ARHGAP18: variants seen among roughly 807,000 people sequenced by gnomAD.
ARHGAP18 encodes Rho GTPase activating protein 18.
A neutral mutation model predicts 86.2 loss-of-function variants in ARHGAP18; 67 were observed. The observed-to-expected ratio is 0.78, with a 90% CI of 0.64 to 0.95. The LOEUF (loss-of-function observed/expected upper bound fraction) is 0.95, where lower values mean the gene tolerates loss of function less well. Ranked by LOEUF, ARHGAP18 falls within the 40% of genes least tolerant of loss-of-function variation. The probability of loss-of-function intolerance (pLI) is 0.00; values close to 1 mark genes in which losing one functional copy is unlikely to be tolerated. For missense variants in ARHGAP18, 691 were observed against 780.4 expected (o/e 0.89, Z 1.37); for synonymous variants, 283 against 280.4 (o/e 1.01, Z -0.09).
In ARHGAP18 at chr6:129,634,080, G is replaced by C; in HGVS notation, c.578C>G (p.Ser193Ter). The change falls in exon 4 of 15, where the codon TCA becomes TGA. Residue 193 changes from serine to a stop codon, truncating the protein, a stop_gained. Transcript: ENST00000368149. LOFTEE classifies it high-confidence loss of function. ...ETAPGGTESQ[S>*]LRTNENKYQG... Reference sequence around the variant, plus strand: ...GTATTTGTTTTCATTTGTTCTAAGTGACTGCGATTCAGTGCCACCTGGAGC... The same window carrying C: ...GTATTTGTTTTCATTTGTTCTAAGTCACTGCGATTCAGTGCCACCTGGAGC... The C allele has an allele frequency of 6.2e-7, 1 of 1,612,978 alleles. No individual in the cohort carries two copies. Among genetic ancestry groups the C allele is most frequent in the Non-Finnish European group, 8.5e-7 (1 of 1,179,772 alleles).
chr6:129,650,999 C>T (rs1376112910), intron 1 of ARHGAP18, among the ~76,000 whole-genome samples: 1 of 152,120 alleles, frequency 6.6e-6, no homozygotes, highest in Non-Finnish European at 1.5e-5. Flanking sequence ...TTATGTGTTC[C>T]TTGGGGGCAA....
At chr6:129,683,292 C>T (rs966806932) in intron 1 of ARHGAP18, among the ~76,000 whole-genome samples, 1 of 151,556 alleles carries the variant, frequency 6.6e-6, no homozygotes, top group Non-Finnish European at 1.5e-5. Flanking sequence ...AGGATGGTCT[C>T]GATATCCTGA....
intron 1 of ARHGAP18, among the ~76,000 whole-genome samples, chr6:129,697,442 A>AT (rs5879962): frequency 4.2e-3 from 621 of 148,692 alleles, no homozygotes; most frequent in African/African-American, 8.6e-3. Flanking sequence ...TGCAGATGGG[A>AT]TTTTTTTTTT....
In ARHGAP18 at chr6:129,616,157, A is replaced by G. The variant is rs547289541; in HGVS notation, c.1044+55T>C. The G allele has an allele frequency of 5.2e-6, 7 of 1,335,140 alleles. No individual in the cohort carries two copies. In the African/African-American group the frequency reaches 1.0e-4, roughly 20 times the overall value. 82.7% of individuals were successfully genotyped at this position (1,335,140 alleles called of 1,614,324 possible). On this transcript the variant is annotated intron_variant, in intron 7 of 14. Coordinates refer to ENST00000368149, the MANE Select transcript of ARHGAP18 (RefSeq NM_033515.3). ...GTATTATAATAATATGAATACAAAAACCACTATTAGCTTAAGTATGTTCTC... is the reference window on the plus strand; with the variant it reads ...GTATTATAATAATATGAATACAAAAGCCACTATTAGCTTAAGTATGTTCTC...
chr6:129,681,435 G>A (rs1183059578), intron 1 of ARHGAP18, among the ~76,000 whole-genome samples: 1 of 152,202 alleles, frequency 6.6e-6, no homozygotes, highest in East Asian at 1.9e-4. Flanking sequence ...AAAACATCCT[G>A]AGGTAGAAAA....
chr6:129,706,885 CAAAAAAAAAAAAA>C (rs34099358), intron 1 of ARHGAP18, among the ~76,000 whole-genome samples: 1 of 61,020 alleles, frequency 1.6e-5, no homozygotes, highest in South Asian at 7.0e-4. Context: ...GACTCTGTCT[CAAAAAAAAAAAAA>C]AAAAAAAAAG....
chr6:129,629,116 G>A (rs1773123683), intron 5 of ARHGAP18, among the ~76,000 whole-genome samples: 1 of 151,980 alleles, frequency 6.6e-6, no homozygotes, highest in African/African-American at 2.4e-5. Flanking sequence ...AGGTGTGATG[G>A]CTCATCCCTG....
rs574140263 is a variant in ARHGAP18, at chr6:129,686,681, T to A, written c.113+23343A>T. 2.0e-5 allele frequency among the ~76,000 whole-genome samples: 3 copies of A among 152,344 alleles called. No individual in the cohort carries two copies. In the East Asian group the frequency reaches 5.8e-4, roughly 29 times the overall value. ...TGCAACTATAGAAGTGTTTAAGTGT[T>A]ACAAGTTATAAGTTATATGGATTTG... On this transcript the variant is annotated intron_variant, in intron 1 of 14. Coordinates refer to ENST00000368149, the MANE Select transcript of ARHGAP18 (RefSeq NM_033515.3).
intron 13 of ARHGAP18, 88 bp downstream of exon 13, chr6:129,583,900 A>G: frequency 2.0e-6 from 3 of 1,499,426 alleles, no homozygotes; most frequent in Non-Finnish European, 2.7e-6. Context: ...CAAAAAAAAA[A>G]AAAAGGAAGA....
intron 1 of ARHGAP18, among the ~76,000 whole-genome samples, chr6:129,672,904 A>G (rs1774164562): frequency 6.6e-6 from 1 of 152,240 alleles, no homozygotes; most frequent in Non-Finnish European, 1.5e-5. Context: ...TCAGAGAAGA[A>G]AGAAATCTAC....
chr6:129,696,285 A>G (rs1774615085), intron 1 of ARHGAP18, among the ~76,000 whole-genome samples: 1 of 152,226 alleles, frequency 6.6e-6, no homozygotes, highest in Non-Finnish European at 1.5e-5. Context: ...TGAAGGCAGC[A>G]GCTTAATTTA....
intron 11 of ARHGAP18, among the ~76,000 whole-genome samples, chr6:129,600,123 C>A (rs1445935689): frequency 1.3e-5 from 2 of 152,022 alleles, no homozygotes; most frequent in African/African-American, 2.4e-5. Context: ...GCTTGGAATT[C>A]CTTTAGGTCA....
chr6:129,588,691 G>T (rs1054978238), intron 12 of ARHGAP18, among the ~76,000 whole-genome samples: 4 of 152,230 alleles, frequency 2.6e-5, no homozygotes, highest in African/African-American at 4.8e-5. Context: ...TCCCAGTGGG[G>T]ACTCTGTGTG....
intron 10 of ARHGAP18, among the ~76,000 whole-genome samples, chr6:129,601,221 T>C (rs998375616): frequency 4.6e-5 from 7 of 152,252 alleles, no homozygotes; most frequent in Non-Finnish European, 8.8e-5. Context: ...CTTTCCTATG[T>C]AGAGATTTTT....
Position 129,639,577 on chromosome 6 carries a change from T to C in ARHGAP18, c.317-948A>G, listed in dbSNP as rs551045762. ...ATATGGAAGGAGCTTTGAAAAGCCC[T>C]GAGATAGACTGTATCACATGGTATA... is the stretch of plus-strand genomic sequence containing the variant. On this transcript the variant is annotated intron_variant, in intron 2 of 14. Coordinates refer to ENST00000368149, the MANE Select transcript of ARHGAP18 (RefSeq NM_033515.3). 9.8e-5 allele frequency among the ~76,000 whole-genome samples: 15 copies of C among 152,338 alleles called. No individual in the cohort carries two copies. In the South Asian group the frequency reaches 3.1e-3, roughly 32 times the overall value.
chr6:129,665,484 T>G (rs1774019908), intron 1 of ARHGAP18, among the ~76,000 whole-genome samples: 1 of 152,014 alleles, frequency 6.6e-6, no homozygotes, highest in African/African-American at 2.4e-5. Context: ...CAGGAGGCAG[T>G]GGTTGCAATG....
chr6:129,609,231 G>T (rs971650492), intron 8 of ARHGAP18, among the ~76,000 whole-genome samples: 2 of 151,984 alleles, frequency 1.3e-5, no homozygotes, highest in African/African-American at 4.8e-5. Context: ...GGGGCCAGGG[G>T]GAAAAGAGAC....
intron 1 of ARHGAP18, among the ~76,000 whole-genome samples, chr6:129,656,865 C>T (rs1773849716): frequency 6.6e-6 from 1 of 152,180 alleles, no homozygotes; most frequent in Non-Finnish European, 1.5e-5. Context: ...TATTAATCCC[C>T]TCCTGGGAAA....
intron 4 of ARHGAP18, 112 bp downstream of exon 4, chr6:129,633,930 A>G: frequency 1.1e-6 from 1 of 919,704 alleles, no homozygotes; most frequent in East Asian, 2.6e-5. Context: ...TTACATTAAC[A>G]TTTTAATAGA....
Sources: allele counts gnomAD v4.1 joint callset (sites outside exome capture counted in the v4.1 genomes callset), GRCh38; gene constraint gnomAD v4.1.1; transcripts MANE v1.5; gene names NCBI Gene and HGNC (gene_info 2026-07-23, HGNC 2026-07-21).